ZNF385D: variants seen among roughly 807,000 people sequenced by gnomAD.
The protein encoded by ZNF385D is zinc finger protein 659.
Under a neutral mutation model 35.8 loss-of-function variants are expected in ZNF385D, and 15 were observed. That is an observed-to-expected ratio of 0.42 (90% CI 0.28 to 0.64). The LOEUF is 0.64. Among genes scored for constraint, ZNF385D ranks in the 30% least tolerant of loss-of-function variants. ZNF385D has a pLI of 0.23. For missense variants in ZNF385D, 474 were observed against 494.6 expected (o/e 0.96, Z 0.39); for synonymous variants, 212 against 186.8 (o/e 1.13, Z -1.10).
intron 2 of ZNF385D, among the ~76,000 whole-genome samples, chr3:22,250,034 T>C (rs141355233): frequency 6.6e-6 from 1 of 152,298 alleles, no homozygotes; most frequent in African/African-American, 2.4e-5. Flanking sequence ...TCAATCTTCA[T>C]ATAGCACATT....
intron 2 of ZNF385D, among the ~76,000 whole-genome samples, chr3:21,631,955 C>T (rs936330262): frequency 2.6e-5 from 4 of 152,238 alleles, no homozygotes. Flanking sequence ...TGGACTTCAT[C>T]TAAAATCCAA....
chr3:21,989,587 C>G (rs1305368135), intron 3 of ZNF385D, among the ~76,000 whole-genome samples: 1 of 151,952 alleles, frequency 6.6e-6, no homozygotes, highest in East Asian at 1.9e-4. Flanking sequence ...ATGTCTTACA[C>G]AATACTAAAT....
At chr3:21,759,637 T>C (rs2070511463) in intron 3 of ZNF385D, among the ~76,000 whole-genome samples, 5 of 152,292 alleles carry the variant, frequency 3.3e-5, no homozygotes, top group Middle Eastern at 3.4e-3. Context: ...CTTCAGAGGT[T>C]TCCAATTTTT....
At chr3:21,858,479 T>C (rs898714808) in intron 3 of ZNF385D, among the ~76,000 whole-genome samples, 1 of 150,512 alleles carries the variant, frequency 6.6e-6, no homozygotes, top group Non-Finnish European at 1.5e-5. Context: ...AATTAGCTCA[T>C]GAGAGTAGAG....
intron 1 of ZNF385D, among the ~76,000 whole-genome samples, chr3:21,675,374 TG>T (rs779321139): frequency 1.8e-4 from 28 of 152,148 alleles, no homozygotes; most frequent in Non-Finnish European, 3.4e-4. Flanking sequence ...TTCCATACAC[TG>T]GGTACTGTAC....
chr3:21,805,907 C>T (rs2072619943), intron 3 of ZNF385D, among the ~76,000 whole-genome samples: 1 of 152,128 alleles, frequency 6.6e-6, no homozygotes, highest in Non-Finnish European at 1.5e-5. Flanking sequence ...TGCTTCATGT[C>T]CCTTCTACTT....
At chr3:22,354,245 A>T (rs1391422406) in intron 2 of ZNF385D, among the ~76,000 whole-genome samples, 1 of 152,036 alleles carries the variant, frequency 6.6e-6, no homozygotes, top group Non-Finnish European at 1.5e-5. Context: ...CATTTTCTGT[A>T]TCTCAGTTTC....
chr3:22,243,393 T>C (rs1313265548), intron 2 of ZNF385D, among the ~76,000 whole-genome samples: 2 of 151,084 alleles, frequency 1.3e-5, no homozygotes, highest in African/African-American at 2.4e-5. Flanking sequence ...TACAGCTGAA[T>C]ACTTTGAAGG....
chr3:22,336,803 G>C (rs1695177666), intron 2 of ZNF385D, among the ~76,000 whole-genome samples: 1 of 147,254 alleles, frequency 6.8e-6, no homozygotes. Flanking sequence ...TTAATATGTA[G>C]GACCAGAGTG....
chr3:21,435,852 C>T (rs1701526244), intron 5 of ZNF385D, among the ~76,000 whole-genome samples: 1 of 152,156 alleles, frequency 6.6e-6, no homozygotes, highest in South Asian at 2.1e-4. Context: ...TCTCTCATTA[C>T]AACTAACGTT....
chr3:22,355,020 T>C (rs184828953), intron 2 of ZNF385D, among the ~76,000 whole-genome samples: 7 of 152,200 alleles, frequency 4.6e-5, no homozygotes, highest in Admixed American at 2.6e-4. Flanking sequence ...CAAATTTAAT[T>C]ATAAAATTGG....
chr3:21,840,551 G>A (rs1429848564), intron 3 of ZNF385D, among the ~76,000 whole-genome samples: 1 of 133,656 alleles, frequency 7.5e-6, no homozygotes, highest in Non-Finnish European at 1.6e-5. Flanking sequence ...ATGGGCAACT[G>A]GGAATTTTCA....
intron 2 of ZNF385D, among the ~76,000 whole-genome samples, chr3:22,299,517 A>C (rs919026020): frequency 6.6e-6 from 1 of 151,898 alleles, no homozygotes; most frequent in African/African-American, 2.4e-5. Flanking sequence ...TGAACATCCA[A>C]ATTGGATAGT....
At chr3:21,645,334 G>A (rs920606180) in intron 2 of ZNF385D, among the ~76,000 whole-genome samples, 1 of 152,096 alleles carries the variant, frequency 6.6e-6, no homozygotes, top group Admixed American at 6.6e-5. Flanking sequence ...TAGCAGCTGG[G>A]ACTCAGGGTG....
At chr3:21,722,984 T>G (rs750947113) in intron 1 of ZNF385D, among the ~76,000 whole-genome samples, 1 of 152,178 alleles carries the variant, frequency 6.6e-6, no homozygotes, top group Admixed American at 6.5e-5. Flanking sequence ...GCTCACATAT[T>G]TGTCACCCAG....
intron 3 of ZNF385D, among the ~76,000 whole-genome samples, chr3:21,960,679 T>C (rs1702539056): frequency 6.6e-6 from 1 of 152,006 alleles, no homozygotes; most frequent in South Asian, 2.1e-4. Flanking sequence ...AGATATGGAG[T>C]TAACCTAAAT....
chr3:21,739,125 G>C (rs551702016), intron 1 of ZNF385D, among the ~76,000 whole-genome samples: 1 of 152,216 alleles, frequency 6.6e-6, no homozygotes, highest in Non-Finnish European at 1.5e-5. Context: ...GGCAAAGCCA[G>C]CCTCATTCTC....
At chr3:22,036,143 G>T (rs899940529) in intron 3 of ZNF385D, among the ~76,000 whole-genome samples, 1 of 152,068 alleles carries the variant, frequency 6.6e-6, no homozygotes, top group Non-Finnish European at 1.5e-5. Flanking sequence ...GAAAAAATGT[G>T]GTTATAACAG....
chr3:22,303,561 A>T (rs1210293024), intron 2 of ZNF385D, among the ~76,000 whole-genome samples: 1 of 152,074 alleles, frequency 6.6e-6, no homozygotes, highest in Admixed American at 6.6e-5. Flanking sequence ...AACATATTCT[A>T]TACTGCAGCT....
Sources: allele counts gnomAD v4.1 joint callset (sites outside exome capture counted in the v4.1 genomes callset), GRCh38; gene constraint gnomAD v4.1.1; transcripts MANE v1.5; gene names NCBI Gene and HGNC (gene_info 2026-07-23, HGNC 2026-07-21).